Variants in GOLGA3 observed in about 807,000 individuals in gnomAD.
GOLGA3 encodes the protein golgin subfamily A member 3.
In GOLGA3, 75 loss-of-function variants were observed where a neutral mutation model predicts 169.4. That is an observed-to-expected ratio of 0.44 (90% CI 0.37 to 0.54). The LOEUF is 0.54. Among genes scored for constraint, GOLGA3 ranks in the 20% least tolerant of loss-of-function variants. The probability of loss-of-function intolerance (pLI) is 0.00; values close to 1 mark genes in which losing one functional copy is unlikely to be tolerated. For missense variants in GOLGA3, 1,899 were observed against 1,930.0 expected, an observed-to-expected ratio of 0.98 and a Z score of 0.30; for synonymous variants, 824 against 822.4, an observed-to-expected ratio of 1.00 and a Z score of -0.03.
chr12:132,785,802 C>T (rs906070633), intron 15 of GOLGA3, among the ~76,000 whole-genome samples: 1 of 152,228 alleles, frequency 6.6e-6, no homozygotes, highest in African/African-American at 2.4e-5. Flanking sequence ...ATGCCTACCA[C>T]GAAAGGTGAC....
intron 21 of GOLGA3, 24 bp from the exon 22 acceptor site, chr12:132,775,329 T>G (rs1272993568): frequency 1.5e-5 from 24 of 1,590,384 alleles, no homozygotes; most frequent in Non-Finnish European, 2.0e-5. Context: ...AGTCAGATTT[T>G]TAAAAGCTAA....
intron 15 of GOLGA3, among the ~76,000 whole-genome samples, chr12:132,785,934 C>T (rs1376659394): frequency 6.6e-6 from 1 of 152,222 alleles, no homozygotes; most frequent in African/African-American, 2.4e-5. Flanking sequence ...CCCTGTCAAT[C>T]GCTGACCCCA....
intron 2 of GOLGA3, among the ~76,000 whole-genome samples, chr12:132,819,493 C>T (rs1950123421): frequency 6.6e-6 from 1 of 152,178 alleles, no homozygotes; most frequent in Non-Finnish European, 1.5e-5. Context: ...CGTGCCACTG[C>T]ACTCCAGTCT....
chr12:132,784,176 C>T lies in GOLGA3; in HGVS notation c.3255G>A (p.Glu1085=). Residue 1085 remains glutamate (E), a synonymous_variant, in exon 16 of 24, where the codon GAG becomes GAA. Transcript: ENST00000450791. Reference sequence around the variant, plus strand: ...GGCCAGGCCTCACCTCGTCCTCCAGCTCCAGCACCTTCTCCCGGGACTCCT... The same window carrying T: ...GGCCAGGCCTCACCTCGTCCTCCAGTTCCAGCACCTTCTCCCGGGACTCCT... The part of the protein sequence containing the change: ...ELEESREKVL[E]LEDELQESRG... 6.2e-7 allele frequency: 1 copy of T among 1,608,416 alleles called. No homozygotes were observed. The highest frequency in any genetic ancestry group is 1.3e-5 in the African/African-American group (1 of 75,076).
At chr12:132,792,441 C>T (rs774626796) in intron 11 of GOLGA3, among the ~76,000 whole-genome samples, 14 of 152,230 alleles carry the variant, frequency 9.2e-5, no homozygotes, top group South Asian at 8.3e-4. Flanking sequence ...TGTTGGGCTG[C>T]GCCCACAGGC....
chr12:132,821,147 C>T (rs1950191910), intron 2 of GOLGA3, among the ~76,000 whole-genome samples: 1 of 150,294 alleles, frequency 6.7e-6, no homozygotes, highest in Admixed American at 6.7e-5. Flanking sequence ...TGGCTCACGC[C>T]TGTAATCTCA....
intron 16 of GOLGA3, chr12:132,783,906 T>G (rs947342450): frequency 1.4e-6 from 2 of 1,429,776 alleles, no homozygotes; most frequent in Non-Finnish European, 1.8e-6. Context: ...ACCAAAGCAT[T>G]TGAACTGAGA....
At chr12:132,815,012 C>A (rs1184575737) in intron 3 of GOLGA3, among the ~76,000 whole-genome samples, 1 of 152,196 alleles carries the variant, frequency 6.6e-6, no homozygotes, top group Non-Finnish European at 1.5e-5. Flanking sequence ...CACAGCAACG[C>A]TTTACACATG....
At chr12:132,786,816 C>A (rs779301517) in intron 13 of GOLGA3, 29 bp from the exon 14 acceptor site, 2 of 1,437,654 alleles carry the variant, frequency 1.4e-6, no homozygotes, top group East Asian at 2.3e-5. Flanking sequence ...GCGTGAGGAG[C>A]GGCACTGCCA....
intron 13 of GOLGA3, among the ~76,000 whole-genome samples, chr12:132,787,918 A>AC (rs1276226991): frequency 4.8e-5 from 6 of 125,460 alleles, no homozygotes; most frequent in Admixed American, 8.6e-5. Flanking sequence ...CCTTCCCTGG[A>AC]CCCCCCCCGG....
intron 12 of GOLGA3, among the ~76,000 whole-genome samples, chr12:132,789,643 A>G (rs920789321): frequency 7.2e-6 from 1 of 138,876 alleles, no homozygotes; most frequent in South Asian, 2.5e-4. Flanking sequence ...GCAAAGCAGG[A>G]CTCACGACAC....
chr12:132,812,500 TA>T (rs1407118538), intron 4 of GOLGA3, among the ~76,000 whole-genome samples: 2 of 152,064 alleles, frequency 1.3e-5, no homozygotes, highest in African/African-American at 4.8e-5. Context: ...TAGATGCCAT[TA>T]AAAACATTCA....
rs111506895 is a variant in GOLGA3, at chr12:132,819,407, T to C, written c.133+2589A>G. ...AGCTGGGCGTGGTGGCGGGCGCCTA[T>C]AGTCCCAGCTACTTGGGAGGCTGAG... On this transcript the variant is annotated intron_variant, in intron 2 of 23. Transcript: ENST00000450791. Among the ~76,000 whole-genome samples, 182 of 152,262 alleles carry C rather than the reference T, an allele frequency of 1.2e-3. 1 individual carries two copies. The highest frequency in any genetic ancestry group is 4.2e-3 in the African/African-American group (174 of 41,542).
chr12:132,793,996 A>G (rs1948687084), intron 11 of GOLGA3, among the ~76,000 whole-genome samples: 1 of 152,172 alleles, frequency 6.6e-6, no homozygotes, highest in Non-Finnish European at 1.5e-5. Flanking sequence ...CTTTTTCCCT[A>G]CAATATGGAG....
intron 4 of GOLGA3, among the ~76,000 whole-genome samples, chr12:132,812,226 T>C (rs1240364593): frequency 6.8e-6 from 1 of 146,406 alleles, no homozygotes; most frequent in Non-Finnish European, 1.5e-5. Context: ...TATATATATA[T>C]ATATTTTTTT....
Position 132,773,148 on chromosome 12 carries a change from C to A in GOLGA3, c.4454G>T (p.Arg1485Ile). Reference sequence around the variant, plus strand: ...TTTGGAAGCCCTGCTCTGACTGTGTCTCTGTGGGTCGCCGCGTGGGCCGGC... The same window carrying A: ...TTTGGAAGCCCTGCTCTGACTGTGTATCTGTGGGTCGCCGCGTGGGCCGGC... ...GHAGPRGDPQ[R>I]HSQSRASKEG... is the part of the protein sequence containing the mutation. The change falls in exon 24 of 24, where the codon AGA (arginine) becomes ATA (isoleucine). Residue 1485 changes from arginine to isoleucine, a missense_variant. By Grantham distance (97) the Arg-to-Ile change is moderately conservative. Transcript: ENST00000450791. 6.3e-7 allele frequency: 1 copy of A among 1,586,664 alleles called. No homozygotes were observed.
In GOLGA3 at chr12:132,809,147, AGGGAGAGG is replaced by A. The variant is rs547618781; in HGVS notation, c.520-606_520-599del. ...TCCCTGCCTGGCAACCAAGGCAGAG[AGGGAGAGG>A]AGACACAAAGACAGCTTACGCCATT... On this transcript the variant is annotated intron_variant, in intron 4 of 23. Transcript: ENST00000450791. Among the ~76,000 whole-genome samples the A allele has an allele frequency of 9.1e-4, 139 of 152,298 alleles. No homozygotes were observed. In the East Asian group the frequency reaches 0.011, roughly 12 times the overall value.
In GOLGA3 at chr12:132,786,328, G is replaced by A. The variant is rs200561111; in HGVS notation, c.3123+11C>T. 28 of 1,569,244 alleles carry A rather than the reference G, an allele frequency of 1.8e-5. No individual in the cohort carries two copies. In the Admixed American group the frequency reaches 4.5e-4, roughly 25 times the overall value. Reference sequence around the variant, plus strand: ...GGTGACCCTGGCCGGGGATGGCACGGTGTTACCTACATGTAGAGCCAGGCT... The same window carrying A: ...GGTGACCCTGGCCGGGGATGGCACGATGTTACCTACATGTAGAGCCAGGCT... On this transcript the variant is annotated intron_variant, in intron 15 of 23. Coordinates refer to ENST00000450791, the MANE Select transcript of GOLGA3 (RefSeq NM_001389683.1).
At chr12:132,803,583 A>G (rs961454429) in intron 7 of GOLGA3, among the ~76,000 whole-genome samples, 1 of 152,196 alleles carries the variant, frequency 6.6e-6, no homozygotes, top group African/African-American at 2.4e-5. Context: ...TTTGGGTTTC[A>G]TGGTTTTTCC....
Sources: allele counts gnomAD v4.1 joint callset (sites outside exome capture counted in the v4.1 genomes callset), GRCh38; gene constraint gnomAD v4.1.1; transcripts MANE v1.5; gene names NCBI Gene and HGNC (gene_info 2026-07-23, HGNC 2026-07-21).